The following IL1RAPL2 variants were observed in gnomAD, a reference collection of about 807,000 sequenced individuals.
IL1RAPL2 encodes the protein X-linked interleukin-1 receptor accessory protein-like 2.
In IL1RAPL2, 3 loss-of-function variants were observed where a neutral mutation model predicts 44.1. The observed-to-expected ratio is 0.07, with a 90% CI of 0.03 to 0.18. IL1RAPL2 has a LOEUF of 0.18. Among genes scored for constraint, IL1RAPL2 ranks in the 10% least tolerant of loss-of-function variants. The probability of loss-of-function intolerance (pLI) is 1.00; values close to 1 mark genes in which losing one functional copy is unlikely to be tolerated. For missense variants in IL1RAPL2, 391 were observed against 496.4 expected (o/e 0.79, Z 2.02); for synonymous variants, 181 against 178.8 (o/e 1.01, Z -0.10).
intron 6 of IL1RAPL2, among the ~76,000 whole-genome samples, chrX:105,712,293 A>G (rs762219629): frequency 9.0e-6 from 1 of 111,672 alleles, no homozygotes; most frequent in Non-Finnish European, 1.9e-5. Flanking sequence ...TGGCAAGTCT[A>G]GCTACATCTG....
chrX:105,374,892 G>A (rs1043925939), intron 5 of IL1RAPL2, among the ~76,000 whole-genome samples: 2 of 99,801 alleles, frequency 2.0e-5, no homozygotes, highest in Non-Finnish European at 4.0e-5. Context: ...AGCTTGCAGC[G>A]AGCCTAGATG....
chrX:105,729,860 C>CGAAG (rs2038386202), intron 7 of IL1RAPL2, among the ~76,000 whole-genome samples: 2 of 52,642 alleles, frequency 3.8e-5, no homozygotes, highest in East Asian at 1.3e-3. Flanking sequence ...AAGCAAGAGA[C>CGAAG]GAAGGAAGGA....
At chrX:104,994,488 T>G (rs2147733389) in intron 2 of IL1RAPL2, among the ~76,000 whole-genome samples, 1 of 111,937 alleles carries the variant, frequency 8.9e-6, no homozygotes, top group Non-Finnish European at 1.9e-5. Flanking sequence ...TTGAACTATA[T>G]ACTTAAGATC....
rs186237332 is a variant in IL1RAPL2, at chrX:105,640,401, G to A, written c.773-76966G>A. Among the ~76,000 whole-genome samples the A allele has an allele frequency of 4.1e-3, 444 of 107,431 alleles. 2 individuals are homozygous for A. Among genetic ancestry groups the A allele is most frequent in the Non-Finnish European group, 4.8e-3 (248 of 52,130 alleles). 93.3% of individuals were successfully genotyped at this position (107,431 alleles called of 115,157 possible). A position where few individuals can be genotyped will look rare whatever the true frequency, so the allele number is the denominator to read the frequency against. On this transcript the variant is annotated intron_variant, in intron 6 of 10. Transcript: ENST00000372582. ...TTGCTATTTCAGTCTATTTTCTTTC[G>A]TGTGGGAGCTACAAATAATGTTGCA...
At chrX:105,560,494 C>G (rs759672971) in intron 6 of IL1RAPL2, among the ~76,000 whole-genome samples, 14 of 111,309 alleles carry the variant, frequency 1.3e-4, no homozygotes, top group African/African-American at 4.6e-4. Context: ...TCTTGGCTCA[C>G]TGGAACCTCT....
At chrX:104,669,937 C>T (rs1220867335) in intron 2 of IL1RAPL2, among the ~76,000 whole-genome samples, 2 of 111,921 alleles carry the variant, frequency 1.8e-5, no homozygotes, top group Non-Finnish European at 3.8e-5. Context: ...CTCAAATCTA[C>T]TGCAAGTTTC....
chrX:105,294,661 A>G (rs1295931132), intron 5 of IL1RAPL2, among the ~76,000 whole-genome samples: 2 of 112,443 alleles, frequency 1.8e-5, no homozygotes, highest in African/African-American at 3.2e-5. Context: ...CAGTAAATCA[A>G]TCAGATTTTA....
chrX:105,572,528 A>T (rs1252281514), intron 6 of IL1RAPL2, among the ~76,000 whole-genome samples: 1 of 112,132 alleles, frequency 8.9e-6, no homozygotes, highest in Non-Finnish European at 1.9e-5. Context: ...AAAAATTCTA[A>T]TTGACACAAG....
intron 2 of IL1RAPL2, among the ~76,000 whole-genome samples, chrX:105,013,221 C>G (rs1277850996): frequency 5.4e-5 from 6 of 111,065 alleles, no homozygotes; most frequent in Non-Finnish European, 1.1e-4. Context: ...GAGTCTTGGA[C>G]AACTCTGTTA....
chrX:105,540,237 CAT>C (rs2147796796), intron 6 of IL1RAPL2, among the ~76,000 whole-genome samples: 1 of 111,925 alleles, frequency 8.9e-6, no homozygotes, highest in Non-Finnish European at 1.9e-5. Context: ...CACATGCACT[CAT>C]AGGTAATCAC....
intron 5 of IL1RAPL2, among the ~76,000 whole-genome samples, chrX:105,452,128 T>C (rs1022619748): frequency 3.6e-5 from 4 of 111,193 alleles, no homozygotes; most frequent in Non-Finnish European, 5.7e-5. Flanking sequence ...AATATTACCA[T>C]TGAAAAAGTT....
intron 1 of IL1RAPL2, among the ~76,000 whole-genome samples, chrX:104,643,820 A>G (rs1429195830): frequency 8.9e-6 from 1 of 111,923 alleles, no homozygotes; most frequent in East Asian, 2.8e-4. Flanking sequence ...GAAACTTTAT[A>G]AAATGTGAAT....
rs1391557612 is a variant in IL1RAPL2 at position 104,738,919 on chromosome X, G to A, written c.82+79924G>A. Reference sequence around the variant, plus strand: ...TGCACCACTGCATTCCATCCTGGGTGACAGAGCAAGACCCTGTCTCTTAAA... The same window carrying A: ...TGCACCACTGCATTCCATCCTGGGTAACAGAGCAAGACCCTGTCTCTTAAA... On this transcript the variant is annotated intron_variant, in intron 2 of 10. Transcript: ENST00000372582. Among the ~76,000 whole-genome samples the A allele has an allele frequency of 3.6e-5, 4 of 112,251 alleles. No homozygotes were observed. The Admixed American group carries it at 3.8e-4, about 11-fold the overall frequency.
At chrX:105,119,300 G>A (rs2032895815) in intron 2 of IL1RAPL2, among the ~76,000 whole-genome samples, 1 of 111,265 alleles carries the variant, frequency 9.0e-6, no homozygotes, top group African/African-American at 3.3e-5. Context: ...CACAAGTTAA[G>A]CCTAGTAAAG....
At position 104,606,823 on chromosome X, in the gene IL1RAPL2, T is replaced by C. The variant is rs781641290; in HGVS notation, c.-20+39772T>C. ...AGGAAACAAACAAATGGAAAAACAT[T>C]CCATACTCATTGCTACCCCCATCAA... On this transcript the variant is annotated intron_variant, in intron 1 of 10. Coordinates refer to ENST00000372582, the MANE Select transcript of IL1RAPL2 (RefSeq NM_017416.2). Among the ~76,000 whole-genome samples the C allele has an allele frequency of 2.7e-5, 3 of 111,558 alleles. No individual in the cohort carries two copies. The South Asian group carries it at 1.1e-3, about 42-fold the overall frequency.
intron 2 of IL1RAPL2, among the ~76,000 whole-genome samples, chrX:105,045,757 C>T (rs2031829359): frequency 9.0e-6 from 1 of 110,728 alleles, no homozygotes; most frequent in Non-Finnish European, 1.9e-5. Context: ...GAGATGGTGT[C>T]TTGCTATGCT....
chrX:105,252,095 G>A lies in IL1RAPL2; in HGVS notation c.544-15293G>A, dbSNP rs148642442. ...GTGTCCTTTTGTATTCAATCCTCTC[G>A]TCCCAGCCTTAGTCTTTGGTAAAAA... On this transcript the variant is annotated intron_variant, in intron 4 of 10. Coordinates refer to ENST00000372582, the MANE Select transcript of IL1RAPL2 (RefSeq NM_017416.2). Among the ~76,000 whole-genome samples the A allele has an allele frequency of 6.5e-3, 723 of 110,707 alleles. 8 individuals carry two copies. Among genetic ancestry groups the A allele is most frequent in the African/African-American group, 0.022 (669 of 30,588 alleles).
At chrX:105,078,542 C>G (rs1403975091) in intron 2 of IL1RAPL2, among the ~76,000 whole-genome samples, 4 of 112,194 alleles carry the variant, frequency 3.6e-5, no homozygotes, top group Non-Finnish European at 7.5e-5. Flanking sequence ...CTGGGAGAAC[C>G]ACTACTCTCT....
At chrX:104,940,037 C>A (rs1174057563) in intron 2 of IL1RAPL2, among the ~76,000 whole-genome samples, 1 of 111,092 alleles carries the variant, frequency 9.0e-6, no homozygotes, top group Non-Finnish European at 1.9e-5. Flanking sequence ...TTGCATGTAT[C>A]TGTGAATATA....
Sources: gnomAD v4.1 joint callset for allele counts (sites outside exome capture counted in the v4.1 genomes callset) on GRCh38, gnomAD v4.1.1 for gene constraint, MANE v1.5 for transcripts, NCBI Gene and HGNC (gene_info 2026-07-23, HGNC 2026-07-21) for gene names.